ECT2L: variants seen among roughly 807,000 people sequenced by gnomAD.
The protein encoded by ECT2L is epithelial cell-transforming sequence 2 oncogene-like.
ECT2L carries 126 observed loss-of-function variants against 122.8 expected under a neutral mutation model. The observed-to-expected ratio is 1.03, with a 90% CI of 0.89 to 1.19. The LOEUF is 1.19. Ranked by LOEUF, ECT2L falls within the 50% of genes most tolerant of loss-of-function variation. The pLI, the probability that ECT2L is intolerant of heterozygous loss-of-function variation, is 0.00. For missense variants in ECT2L, 1,012 were observed against 1,064.1 expected (o/e 0.95, Z 0.68); for synonymous variants, 385 against 381.8 (o/e 1.01, Z -0.10).
intron 6 of ECT2L, among the ~76,000 whole-genome samples, chr6:138,843,979 G>A (rs1777130782): frequency 6.6e-6 from 1 of 152,106 alleles, no homozygotes; most frequent in Non-Finnish European, 1.5e-5. Context: ...CAGAGCCACG[G>A]CGCCCAGCCT....
At chr6:138,826,662 C>A (rs1008856776) in intron 4 of ECT2L, among the ~76,000 whole-genome samples, 1 of 151,398 alleles carries the variant, frequency 6.6e-6, no homozygotes, top group African/African-American at 2.4e-5. Context: ...CACTCCATCT[C>A]AAAAAAAAGA....
intron 3 of ECT2L, among the ~76,000 whole-genome samples, chr6:138,813,772 G>T (rs1254360630): frequency 6.6e-6 from 1 of 152,208 alleles, no homozygotes; most frequent in Non-Finnish European, 1.5e-5. Flanking sequence ...AATTCAGGAA[G>T]TCGTCATTTA....
chr6:138,858,357 A>C lies in ECT2L; in HGVS notation c.1198+4203A>C, dbSNP rs553944617. Among the ~76,000 whole-genome samples, 6 of 152,316 alleles carry C rather than the reference A, an allele frequency of 3.9e-5. No individual in the cohort carries two copies. The South Asian group carries it at 1.2e-3, about 32-fold the overall frequency. ...AACCTACCCCTTCCCCAGATTCCTCAGTAAAAATATCATTCAACAGTTACT... is the reference window on the plus strand; with the variant it reads ...AACCTACCCCTTCCCCAGATTCCTCCGTAAAAATATCATTCAACAGTTACT... On this transcript the variant is annotated intron_variant, in intron 10 of 21. Coordinates refer to ENST00000541398, the MANE Select transcript of ECT2L (RefSeq NM_001077706.3).
At chr6:138,825,398 GGT>G (rs569627381) in intron 4 of ECT2L, among the ~76,000 whole-genome samples, 122 of 152,190 alleles carry the variant, frequency 8.0e-4, no homozygotes, top group African/African-American at 2.9e-3. Context: ...TGGCCAACAT[GGT>G]GAAACCCTGC....
At chr6:138,861,824 C>T (rs1188271694) in intron 10 of ECT2L, among the ~76,000 whole-genome samples, 2 of 152,136 alleles carry the variant, frequency 1.3e-5, no homozygotes, top group African/African-American at 4.8e-5. Flanking sequence ...AAATTTTAAC[C>T]ATCATATTCC....
chr6:138,816,642 G>A (rs1193924756), intron 4 of ECT2L, among the ~76,000 whole-genome samples: 2 of 151,926 alleles, frequency 1.3e-5, no homozygotes, highest in African/African-American at 2.4e-5. Flanking sequence ...CCACCACCAC[G>A]CCCAGCTACT....
At chr6:138,869,132 A>G (rs1045641004) in intron 13 of ECT2L, among the ~76,000 whole-genome samples, 2 of 152,140 alleles carry the variant, frequency 1.3e-5, no homozygotes, top group African/African-American at 4.8e-5. Context: ...GTGCCATTGC[A>G]CTCCAGCCTG....
At chr6:138,849,494 C>T (rs1042159853) in intron 9 of ECT2L, 60 bp downstream of exon 9, 33 of 1,496,076 alleles carry the variant, frequency 2.2e-5, no homozygotes, top group Non-Finnish European at 2.7e-5. Context: ...ACTTTGTCCA[C>T]AGTGTGACTT....
chr6:138,858,005 G>C (rs1582622846), intron 10 of ECT2L, among the ~76,000 whole-genome samples: 2 of 152,124 alleles, frequency 1.3e-5, no homozygotes, highest in East Asian at 1.9e-4. Context: ...ATCAGATCTC[G>C]TGAGAACTCA....
At chr6:138,849,573 CTTT>C (rs761157171) in intron 9 of ECT2L, 139 bp downstream of exon 9, 4,169 of 505,860 alleles carry the variant, frequency 8.2e-3, no homozygotes, top group South Asian at 0.01. Context: ...AAAAGCGAAG[CTTT>C]TTTTTTTTTT....
At chr6:138,811,363 G>A (rs1209767399) in intron 1 of ECT2L, among the ~76,000 whole-genome samples, 2 of 152,184 alleles carry the variant, frequency 1.3e-5, no homozygotes, top group African/African-American at 2.4e-5. Flanking sequence ...TGCAGTCCCC[G>A]CAAACACCTT....
chr6:138,843,532 C>T lies in ECT2L; in HGVS notation c.595+301C>T, dbSNP rs374927761. The stretch of plus-strand genomic sequence containing the variant: ...AGATGTTTGAACATGGGGAAAAAAG[C>T]AAACAAATAGGTTCAAAACAGAGGA... On this transcript the variant is annotated intron_variant, in intron 6 of 21. Coordinates refer to ENST00000541398, the MANE Select transcript of ECT2L (RefSeq NM_001077706.3). 3.3e-5 allele frequency among the ~76,000 whole-genome samples: 5 copies of T among 151,866 alleles called. No individual in the cohort carries two copies. The East Asian group carries it at 9.7e-4, about 29-fold the overall frequency.
chr6:138,860,842 G>A (rs963122899), intron 10 of ECT2L, among the ~76,000 whole-genome samples: 1 of 151,548 alleles, frequency 6.6e-6, no homozygotes, highest in East Asian at 1.9e-4. Flanking sequence ...AGCCCTGCAC[G>A]CATTAGGTAT....
At chr6:138,818,185 A>C (rs1237840626) in intron 4 of ECT2L, among the ~76,000 whole-genome samples, 1 of 152,196 alleles carries the variant, frequency 6.6e-6, no homozygotes, top group Non-Finnish European at 1.5e-5. Context: ...GGGGGAATGC[A>C]TTGACCCAGG....
intron 20 of ECT2L, among the ~76,000 whole-genome samples, chr6:138,898,113 ATTC>A (rs1779277586): frequency 6.6e-6 from 1 of 152,098 alleles, no homozygotes; most frequent in South Asian, 2.1e-4. Flanking sequence ...CCATGGTAGA[ATTC>A]TTTTGCCTAT....
intron 7 of ECT2L, among the ~76,000 whole-genome samples, chr6:138,845,077 T>G (rs954388488): frequency 6.6e-5 from 10 of 152,216 alleles, no homozygotes; most frequent in African/African-American, 2.4e-4. Context: ...TCCACTTATA[T>G]TTGTATGTAC....
chr6:138,865,984 G>A (rs956246482), intron 12 of ECT2L, among the ~76,000 whole-genome samples: 2 of 152,168 alleles, frequency 1.3e-5, no homozygotes, highest in Non-Finnish European at 2.9e-5. Flanking sequence ...CGTGCAAGTA[G>A]ATATCTGTCA....
chr6:138,896,855 C>T (rs1342270111), intron 20 of ECT2L, among the ~76,000 whole-genome samples: 2 of 152,032 alleles, frequency 1.3e-5, no homozygotes, highest in African/African-American at 4.8e-5. Context: ...GCCATGTTGG[C>T]CAGGCTAGTC....
chr6:138,881,189 A>G lies in ECT2L; in HGVS notation c.1880+18A>G, dbSNP rs774419329. On this transcript the variant is annotated intron_variant, in intron 15 of 21. Coordinates refer to ENST00000541398, the MANE Select transcript of ECT2L (RefSeq NM_001077706.3). Reference sequence around the variant, plus strand: ...CTCAACAGGTAAACCCTGAATATGTATTTTTTTTAATATTCATTGTGCACT... The same window carrying G: ...CTCAACAGGTAAACCCTGAATATGTGTTTTTTTTAATATTCATTGTGCACT... 2.5e-6 allele frequency: 4 copies of G among 1,603,222 alleles called. No individual in the cohort carries two copies. The highest frequency in any genetic ancestry group is 1.1e-5 in the South Asian group (1 of 90,044).
Sources: gnomAD v4.1 joint callset for allele counts (sites outside exome capture counted in the v4.1 genomes callset) on GRCh38, gnomAD v4.1.1 for gene constraint, MANE v1.5 for transcripts, NCBI Gene and HGNC (gene_info 2026-07-23, HGNC 2026-07-21) for gene names.